Variants in CMSS1 observed in about 807,000 individuals in gnomAD.
The protein encoded by CMSS1 is protein CMSS1.
CMSS1 carries 33 observed loss-of-function variants against 43.5 expected under a neutral mutation model. The ratio of observed to expected loss-of-function variants is 0.76; its 90% CI spans 0.57 to 1.01. The LOEUF is 1.01. Among genes scored for constraint, CMSS1 ranks in the 50% least tolerant of loss-of-function variants. The pLI, the probability that CMSS1 is intolerant of heterozygous loss-of-function variation, is 0.00. For synonymous variants in CMSS1, 115 were observed against 117.2 expected, an observed-to-expected ratio of 0.98 and a Z score of 0.12; for missense variants, 313 against 326.4, an observed-to-expected ratio of 0.96 and a Z score of 0.32.
chr3:100,086,470 G>A (rs6783067), intron 1 of CMSS1, among the ~76,000 whole-genome samples: 64 of 152,202 alleles, frequency 4.2e-4, no homozygotes, highest in African/African-American at 1.4e-3. Context: ...ACTTATAACA[G>A]TACCTAACTC....
In CMSS1 at chr3:99,935,735, G is replaced by A. The variant is rs543671257; in HGVS notation, c.64+117692G>A. 1.6e-4 allele frequency among the ~76,000 whole-genome samples: 24 copies of A among 152,298 alleles called. 1 individual carries two copies. In the South Asian group the frequency reaches 3.7e-3, roughly 24 times the overall value. ...GACTCTCTGTTGTCTTGTATCTATG[G>A]ATACAAATACAGTGCAGTTGGCAGT... On this transcript the variant is annotated intron_variant, in intron 1 of 9. Transcript: ENST00000421999.
chr3:100,107,663 G>A (rs925073477), intron 1 of CMSS1, among the ~76,000 whole-genome samples: 1 of 151,970 alleles, frequency 6.6e-6, no homozygotes, highest in Non-Finnish European at 1.5e-5. Flanking sequence ...GTAATTTAAC[G>A]CTCTACTGTT....
chr3:100,053,990 C>T (rs118185811), intron 1 of CMSS1, among the ~76,000 whole-genome samples: 2 of 152,326 alleles, frequency 1.3e-5, no homozygotes, highest in East Asian at 3.9e-4. Context: ...CTTTGTATAT[C>T]TGGACATTCG....
chr3:99,966,018 A>G (rs966260251), intron 1 of CMSS1, among the ~76,000 whole-genome samples: 7 of 152,118 alleles, frequency 4.6e-5, no homozygotes, highest in African/African-American at 1.7e-4. Context: ...TCTTTTCTTC[A>G]GCCTCTTGAA....
At chr3:100,170,890 C>A (rs564512149) in intron 6 of CMSS1, among the ~76,000 whole-genome samples, 1 of 152,302 alleles carries the variant, frequency 6.6e-6, no homozygotes, top group South Asian at 2.1e-4. Flanking sequence ...GCTAAGTTTA[C>A]CCTACAAGTG....
chr3:100,106,997 T>C (rs1307722251), intron 1 of CMSS1, among the ~76,000 whole-genome samples: 1 of 152,210 alleles, frequency 6.6e-6, no homozygotes, highest in Non-Finnish European at 1.5e-5. Flanking sequence ...AATGTGTGTC[T>C]GACCTAACTC....
At chr3:99,947,036 C>A (rs1266739635) in intron 1 of CMSS1, among the ~76,000 whole-genome samples, 1 of 148,542 alleles carries the variant, frequency 6.7e-6, no homozygotes, top group African/African-American at 2.5e-5. Flanking sequence ...ACTCGGGAGG[C>A]TGAGGCAGGG....
At chr3:100,093,233 A>G (rs1258584638) in intron 1 of CMSS1, among the ~76,000 whole-genome samples, 1 of 152,110 alleles carries the variant, frequency 6.6e-6, no homozygotes, top group African/African-American at 2.4e-5. Context: ...AGCTTATGTC[A>G]TTAGATATTA....
At chr3:100,014,887 C>CTTT (rs1559725867) in intron 1 of CMSS1, among the ~76,000 whole-genome samples, 4 of 32,472 alleles carry the variant, frequency 1.2e-4, no homozygotes, top group African/African-American at 2.5e-4. Flanking sequence ...TTTTTTTTTT[C>CTTT]TTTCTTTCTT....
chr3:99,905,337 C>A (rs1359124484), intron 1 of CMSS1, among the ~76,000 whole-genome samples: 1 of 152,184 alleles, frequency 6.6e-6, no homozygotes, highest in Non-Finnish European at 1.5e-5. Flanking sequence ...AGATATCTCA[C>A]CAGTTCCTCA....
At chr3:99,902,876 G>A (rs556579349) in intron 1 of CMSS1, among the ~76,000 whole-genome samples, 1 of 152,224 alleles carries the variant, frequency 6.6e-6, no homozygotes, top group African/African-American at 2.4e-5. Flanking sequence ...ATAGATTAAA[G>A]AGGAAAAAAA....
intron 2 of CMSS1, among the ~76,000 whole-genome samples, chr3:100,151,067 A>G (rs2066903462): frequency 6.6e-6 from 1 of 151,682 alleles, no homozygotes. Flanking sequence ...TCCTTTCTCT[A>G]CTGTTGTATT....
At chr3:99,937,827 T>C (rs1449564688) in intron 1 of CMSS1, among the ~76,000 whole-genome samples, 2 of 152,208 alleles carry the variant, frequency 1.3e-5, no homozygotes, top group African/African-American at 4.8e-5. Context: ...AGTAGCTGTG[T>C]ATAGACCTCT....
At chr3:100,019,116 T>G (rs1710430254) in intron 1 of CMSS1, among the ~76,000 whole-genome samples, 1 of 152,216 alleles carries the variant, frequency 6.6e-6, no homozygotes, top group Admixed American at 6.5e-5. Flanking sequence ...TACAGCAGTA[T>G]GGAGGTTCCT....
chr3:99,970,199 T>C (rs1486150785), intron 1 of CMSS1, among the ~76,000 whole-genome samples: 1 of 152,220 alleles, frequency 6.6e-6, no homozygotes, highest in Admixed American at 6.5e-5. Context: ...GCTGAGAAAG[T>C]GAAGGCATAG....
intron 4 of CMSS1, among the ~76,000 whole-genome samples, chr3:100,163,906 T>G (rs368343366): frequency 7.2e-6 from 1 of 138,350 alleles, no homozygotes; most frequent in Non-Finnish European, 1.7e-5. Flanking sequence ...CCGTTTTCCA[T>G]TACAACTTTA....
intron 1 of CMSS1, among the ~76,000 whole-genome samples, chr3:100,135,061 T>C (rs1258479427): frequency 6.6e-6 from 1 of 152,190 alleles, no homozygotes; most frequent in East Asian, 1.9e-4. Flanking sequence ...AAATGAGTTA[T>C]TTACAAAGAG....
intron 1 of CMSS1, among the ~76,000 whole-genome samples, chr3:99,903,642 C>G (rs1019896419): frequency 6.6e-6 from 1 of 152,052 alleles, no homozygotes; most frequent in Non-Finnish European, 1.5e-5. Flanking sequence ...ATGGATGATT[C>G]CAAAAATTGG....
At chr3:100,051,985 T>C (rs1472492691) in intron 1 of CMSS1, among the ~76,000 whole-genome samples, 1 of 150,496 alleles carries the variant, frequency 6.6e-6, no homozygotes, top group East Asian at 1.9e-4. Flanking sequence ...TAAATATAAA[T>C]GTGATAAATA....
Sources: gnomAD v4.1 joint callset for allele counts (sites outside exome capture counted in the v4.1 genomes callset) on GRCh38, gnomAD v4.1.1 for gene constraint, MANE v1.5 for transcripts, NCBI Gene and HGNC (gene_info 2026-07-23, HGNC 2026-07-21) for gene names.